The following KLHL7 variants were observed in gnomAD, a reference collection of about 807,000 sequenced individuals.
KLHL7 encodes kelch like family member 7, also known as kelch-like protein 7.
In KLHL7, 44 loss-of-function variants were observed where a neutral mutation model predicts 67.4. The observed-to-expected ratio is 0.65, with a 90% CI of 0.51 to 0.84. The LOEUF is 0.84. Ranked by LOEUF, KLHL7 falls within the 40% of genes least tolerant of loss-of-function variation. The pLI is 0.00. For synonymous variants in KLHL7, 252 were observed against 243.3 expected, an observed-to-expected ratio of 1.04 and a Z score of -0.33; for missense variants, 362 against 718.1, an observed-to-expected ratio of 0.50 and a Z score of 5.67.
intron 8 of KLHL7, 36 bp downstream of exon 8, chr7:23,165,974 T>C (rs780795733): frequency 3.1e-6 from 5 of 1,611,160 alleles, no homozygotes; most frequent in African/African-American, 2.7e-5. Flanking sequence ...TTGGGGCATA[T>C]GCTTTAAAGC....
chr7:23,135,650 A>G (rs1783950701), intron 4 of KLHL7, among the ~76,000 whole-genome samples: 1 of 152,222 alleles, frequency 6.6e-6, no homozygotes, highest in Non-Finnish European at 1.5e-5. Flanking sequence ...TTAGAATAAA[A>G]CAAAATTTCA....
Position 23,140,951 on chromosome 7 carries a change from A to G in KLHL7, c.618+7A>G. 6.2e-7 allele frequency: 1 copy of G among 1,612,470 alleles called. No individual in the cohort carries two copies. The highest frequency in any genetic ancestry group is 8.5e-7 in the Non-Finnish European group (1 of 1,178,772). ...TGTGAGAGCAGAGGATCAGGTGACT[A>G]AATTGCCTTCTCACATTTTTCTTAA... is the stretch of plus-strand genomic sequence containing the variant. On this transcript the variant is annotated splice_region_variant and intron_variant, in intron 5 of 10. Coordinates refer to ENST00000339077, the MANE Select transcript of KLHL7 (RefSeq NM_001031710.3).
chr7:23,147,435 A>G (rs1265813817), intron 6 of KLHL7, among the ~76,000 whole-genome samples: 1 of 151,778 alleles, frequency 6.6e-6, no homozygotes, highest in Non-Finnish European at 1.5e-5. Flanking sequence ...TTGTGTTTTC[A>G]GTTCTTGCTT....
intron 1 of KLHL7, among the ~76,000 whole-genome samples, chr7:23,108,202 G>T (rs1398372048): frequency 3.3e-5 from 5 of 152,192 alleles, no homozygotes; most frequent in African/African-American, 4.8e-5. Context: ...TGAGAACATT[G>T]TGAGATTAGC....
chr7:23,146,023 T>A (rs1784345286), intron 6 of KLHL7, among the ~76,000 whole-genome samples: 1 of 152,210 alleles, frequency 6.6e-6, no homozygotes. Flanking sequence ...TGAACCACAG[T>A]GCCTGGCCTT....
At chr7:23,112,588 A>G (rs1386768468) in intron 1 of KLHL7, among the ~76,000 whole-genome samples, 3 of 152,220 alleles carry the variant, frequency 2.0e-5, no homozygotes, top group Non-Finnish European at 4.4e-5. Context: ...CCTTCCCAGC[A>G]AGTCAGGATG....
intron 6 of KLHL7, among the ~76,000 whole-genome samples, chr7:23,145,198 G>A (rs1463754463): frequency 6.6e-6 from 1 of 151,444 alleles, no homozygotes; most frequent in African/African-American, 2.4e-5. Flanking sequence ...GTTATTTTGA[G>A]AAGTCTAGTG....
In KLHL7 at chr7:23,144,030, G is replaced by C. The variant is rs375718274; in HGVS notation, c.793+5G>C. The C allele has an allele frequency of 7.4e-6, 12 of 1,611,596 alleles. No homozygotes were observed. In the African/African-American group the frequency reaches 1.1e-4, roughly 14 times the overall value. On this transcript the variant is annotated splice_donor_5th_base_variant and intron_variant, in intron 6 of 10. Transcript: ENST00000339077. ...AATGCCTTAAGATGGTGATAAGTAA[G>C]TTGCCTTAATAACCATTTATAACCT...
At chr7:23,133,280 A>G (rs1783864469) in intron 4 of KLHL7, among the ~76,000 whole-genome samples, 1 of 152,140 alleles carries the variant, frequency 6.6e-6, no homozygotes, top group South Asian at 2.1e-4. Context: ...TAAACATGGA[A>G]TATTTTCCCA....
At chr7:23,167,408 T>C (rs1785031848) in intron 8 of KLHL7, among the ~76,000 whole-genome samples, 2 of 152,150 alleles carry the variant, frequency 1.3e-5, no homozygotes, top group African/African-American at 2.4e-5. Context: ...AATAAGAATA[T>C]GATCAGATAG....
chr7:23,170,084 C>T (rs1013771217), intron 9 of KLHL7, among the ~76,000 whole-genome samples: 18 of 152,030 alleles, frequency 1.2e-4, no homozygotes, highest in African/African-American at 3.1e-4. Flanking sequence ...CGTGGTGGCG[C>T]GTGCCTGTAA....
intron 4 of KLHL7, among the ~76,000 whole-genome samples, chr7:23,127,136 G>A (rs1400725165): frequency 6.6e-6 from 1 of 152,182 alleles, no homozygotes; most frequent in Non-Finnish European, 1.5e-5. Context: ...GCTTATGTAT[G>A]TTTCTATAAC....
At chr7:23,166,178 G>A (rs1374256514) in intron 8 of KLHL7, among the ~76,000 whole-genome samples, 1 of 151,982 alleles carries the variant, frequency 6.6e-6, no homozygotes, top group African/African-American at 2.4e-5. Flanking sequence ...TCATAATGAA[G>A]CATTAGTTGA....
chr7:23,110,864 T>C (rs1169106271), intron 1 of KLHL7, among the ~76,000 whole-genome samples: 1 of 148,940 alleles, frequency 6.7e-6, no homozygotes, highest in Non-Finnish European at 1.5e-5. Flanking sequence ...GAACATGCGG[T>C]TCACTACATT....
intron 9 of KLHL7, among the ~76,000 whole-genome samples, chr7:23,170,138 C>T (rs34575510): frequency 0.05 from 7,545 of 152,196 alleles, 252 homozygotes; most frequent in Non-Finnish European, 0.073. Context: ...CATTTGAACC[C>T]GGGAGGTGGA....
intron 4 of KLHL7, among the ~76,000 whole-genome samples, chr7:23,133,037 AC>A (rs1783856778): frequency 1.3e-5 from 2 of 152,196 alleles, no homozygotes; most frequent in African/African-American, 4.8e-5. Context: ...TGTTTCGATT[AC>A]TATAGCTCTG....
At chr7:23,148,293 A>G (rs1784421269) in intron 6 of KLHL7, among the ~76,000 whole-genome samples, 1 of 152,086 alleles carries the variant, frequency 6.6e-6, no homozygotes, top group African/African-American at 2.4e-5. Context: ...AAAAAGACTA[A>G]GTGTGTTTGA....
Position 23,125,146 on chromosome 7 carries a change from A to T in KLHL7, c.416A>T (p.Glu139Val). ...VKKMCVDFLK[E>V]QVDASNCLGI... ...AAAATGTGTGTTGATTTTTTGAAAG[A>T]ACAAGTTGATGCTTCAAATTGTCTT... Residue 139 changes from glutamate (E) to valine (V), a missense_variant, in exon 4 of 11, where the codon GAA (glutamate) becomes GTA (valine). Transcript: ENST00000339077. 2.5e-6 allele frequency: 4 copies of T among 1,613,604 alleles called. No individual in the cohort carries two copies. The highest frequency in any genetic ancestry group is 3.4e-6 in the Non-Finnish European group (4 of 1,179,638).
intron 4 of KLHL7, among the ~76,000 whole-genome samples, chr7:23,137,818 G>T (rs1281813877): frequency 7.7e-6 from 1 of 129,746 alleles, no homozygotes; most frequent in East Asian, 2.2e-4. Context: ...GCTGGGCACG[G>T]TGACTCCTAA....
Sources: gnomAD v4.1 joint callset for allele counts (sites outside exome capture counted in the v4.1 genomes callset) on GRCh38, gnomAD v4.1.1 for gene constraint, MANE v1.5 for transcripts, NCBI Gene and HGNC (gene_info 2026-07-23, HGNC 2026-07-21) for gene names.